Variants in ATP10B observed in about 807,000 individuals in gnomAD.
ATP10B encodes phospholipid-transporting ATPase VB.
ATP10B carries 122 observed loss-of-function variants against 141.2 expected under a neutral mutation model. The ratio of observed to expected loss-of-function variants is 0.86; its 90% CI spans 0.75 to 1.00. The LOEUF (loss-of-function observed/expected upper bound fraction) is 1.00. ATP10B is among the 50% of genes least tolerant of loss of function. The pLI is 0.00. For synonymous variants in ATP10B, 685 were observed against 692.0 expected, an observed-to-expected ratio of 0.99 and a Z score of 0.16; for missense variants, 1,876 against 1,825.3, an observed-to-expected ratio of 1.03 and a Z score of -0.51.
chr5:160,919,808 G>A, the ATP10B span, among the ~76,000 whole-genome samples: 1 of 152,080 alleles, frequency 6.6e-6, no homozygotes, highest in African/African-American at 2.4e-5. Context: ...TAACGACGGC[G>A]CCTTCCTGAC....
At chr5:160,610,130 T>C (rs1674635886) in intron 18 of ATP10B, among the ~76,000 whole-genome samples, 1 of 152,194 alleles carries the variant, frequency 6.6e-6, no homozygotes, top group Admixed American at 6.5e-5. Context: ...GGTCTAGACC[T>C]AGAGACTCCT....
At chr5:160,621,481 T>C (rs1256059717) in intron 14 of ATP10B, among the ~76,000 whole-genome samples, 1 of 152,218 alleles carries the variant, frequency 6.6e-6, no homozygotes, top group Non-Finnish European at 1.5e-5. Flanking sequence ...AGGTGCCTAC[T>C]GTCTTTCCCC....
At chr5:160,817,822 C>T (rs899882040) in intron 1 of ATP10B, among the ~76,000 whole-genome samples, 1 of 152,150 alleles carries the variant, frequency 6.6e-6, no homozygotes, top group African/African-American at 2.4e-5. Flanking sequence ...TGGAACAGAA[C>T]AGAGCCCTCA....
intron 6 of ATP10B, 113 bp from the exon 7 acceptor site, chr5:160,670,780 A>T: frequency 1.1e-6 from 1 of 911,714 alleles, no homozygotes; most frequent in Non-Finnish European, 1.7e-6. Flanking sequence ...TCAGCCTGTC[A>T]TGAGATTGCC....
At chr5:160,766,816 G>A (rs1561832546) in intron 2 of ATP10B, among the ~76,000 whole-genome samples, 1 of 152,006 alleles carries the variant, frequency 6.6e-6, no homozygotes, top group African/African-American at 2.4e-5. Context: ...ATTAGCTTTA[G>A]AAAAAAAATA....
intron 2 of ATP10B, among the ~76,000 whole-genome samples, chr5:160,740,294 G>C (rs1395599407): frequency 6.6e-6 from 1 of 152,160 alleles, no homozygotes; most frequent in African/African-American, 2.4e-5. Context: ...AGGGTCCACT[G>C]TCAAAGCTAA....
chr5:160,600,171 G>A (rs1218742388), intron 21 of ATP10B, among the ~76,000 whole-genome samples: 1 of 152,062 alleles, frequency 6.6e-6, no homozygotes, highest in African/African-American at 2.4e-5. Flanking sequence ...GTAGTACTAC[G>A]TTATTGTACT....
intron 23 of ATP10B, among the ~76,000 whole-genome samples, chr5:160,590,306 G>T (rs1044280056): frequency 6.6e-6 from 1 of 151,936 alleles, no homozygotes; most frequent in African/African-American, 2.4e-5. Context: ...GGCCAGGGAG[G>T]GTATTGTAAG....
chr5:160,880,190 T>A, the ATP10B span, among the ~76,000 whole-genome samples: 5 of 141,400 alleles, frequency 3.5e-5, no homozygotes, highest in East Asian at 2.1e-4. Flanking sequence ...GTAAATATTT[T>A]TATATATAGA....
At chr5:160,766,468 T>A (rs184640227) in intron 2 of ATP10B, among the ~76,000 whole-genome samples, 1 of 151,972 alleles carries the variant, frequency 6.6e-6, no homozygotes, top group East Asian at 1.9e-4. Context: ...TTGGAGAACA[T>A]TATTCTAAGT....
chr5:160,575,645 T>C (rs190192498), intron 24 of ATP10B, among the ~76,000 whole-genome samples: 9 of 152,228 alleles, frequency 5.9e-5, no homozygotes, highest in African/African-American at 1.9e-4. Context: ...ATTTTTCATA[T>C]AACAACAACC....
Position 160,644,113 on chromosome 5 carries a change from C to T in ATP10B, c.868+25G>A, listed in dbSNP as rs766850108. 5.0e-6 allele frequency: 8 copies of T among 1,599,190 alleles called. No homozygotes were observed. The East Asian group carries it at 1.1e-4, about 22-fold the overall frequency. On this transcript the variant is annotated intron_variant, in intron 9 of 25. Coordinates refer to ENST00000327245, the MANE Select transcript of ATP10B (RefSeq NM_025153.3). The stretch of plus-strand genomic sequence containing the variant: ...GGGGAAGGATAAAGGAAAATTCAGA[C>T]AAAAGAAACTACCCAGACAATGACC...
intron 7 of ATP10B, among the ~76,000 whole-genome samples, chr5:160,656,531 C>T (rs772874092): frequency 8.5e-5 from 13 of 152,168 alleles, no homozygotes; most frequent in Non-Finnish European, 1.3e-4. Context: ...AAATAAGTCT[C>T]ACACATGCAT....
intron 2 of ATP10B, among the ~76,000 whole-genome samples, chr5:160,741,226 G>A (rs1293934529): frequency 6.6e-6 from 1 of 152,146 alleles, no homozygotes; most frequent in Admixed American, 6.5e-5. Flanking sequence ...GAAAAAGAAG[G>A]AAAGACAAAT....
chr5:160,721,697 A>C (rs1342993908), intron 2 of ATP10B, among the ~76,000 whole-genome samples: 1 of 152,168 alleles, frequency 6.6e-6, no homozygotes, highest in East Asian at 1.9e-4. Context: ...CATGAAGAAG[A>C]GCTAAAAGAC....
At chr5:160,912,684 GAGAAAAA>G in the ATP10B span, among the ~76,000 whole-genome samples, 166 of 148,776 alleles carry the variant, frequency 1.1e-3, 2 homozygotes, top group South Asian at 9.5e-3. Context: ...GAAAGAAAAG[GAGAAAAA>G]AGAAAAAAGA....
chr5:160,753,655 C>A (rs1010214447), intron 2 of ATP10B, among the ~76,000 whole-genome samples: 1 of 152,158 alleles, frequency 6.6e-6, no homozygotes, highest in African/African-American at 2.4e-5. Flanking sequence ...ATTTTCCCAA[C>A]AGCTATTATG....
At chr5:160,697,119 T>C (rs560851555) in intron 3 of ATP10B, among the ~76,000 whole-genome samples, 2 of 152,368 alleles carry the variant, frequency 1.3e-5, no homozygotes, top group African/African-American at 2.4e-5. Flanking sequence ...ACACAATTGC[T>C]ATGTTAGTGT....
At chr5:160,664,121 C>T (rs1762163776) in intron 7 of ATP10B, among the ~76,000 whole-genome samples, 1 of 152,102 alleles carries the variant, frequency 6.6e-6, no homozygotes. Context: ...AAGCACTGAT[C>T]AACAGGTAGA....
Sources: gnomAD v4.1 joint callset for allele counts (sites outside exome capture counted in the v4.1 genomes callset) on GRCh38, gnomAD v4.1.1 for gene constraint, MANE v1.5 for transcripts, NCBI Gene and HGNC (gene_info 2026-07-23, HGNC 2026-07-21) for gene names.